ACTR3C: variants seen among roughly 807,000 people sequenced by gnomAD.
The protein encoded by ACTR3C is actin related protein 3C.
Under a neutral mutation model 26.3 loss-of-function variants are expected in ACTR3C, and 18 were observed. The ratio of observed to expected loss-of-function variants is 0.68; its 90% CI spans 0.47 to 1.01. ACTR3C has a LOEUF of 1.01. ACTR3C is among the 50% of genes least tolerant of loss of function. The pLI is 0.00. For synonymous variants in ACTR3C, 55 were observed against 94.5 expected (o/e 0.58, Z 2.42); for missense variants, 184 against 250.7 (o/e 0.73, Z 1.80).
rs551027838 is a variant in ACTR3C at position 150,265,608 on chromosome 7, C to T, written c.565-16554G>A. 1.1e-4 allele frequency among the ~76,000 whole-genome samples: 16 copies of T among 152,218 alleles called. No homozygotes were observed. The South Asian group carries it at 1.7e-3, about 16-fold the overall frequency. On this transcript the variant is annotated intron_variant, in intron 6 of 7. Coordinates refer to ENST00000683684, the MANE Select transcript of ACTR3C (RefSeq NM_001164458.2). The stretch of plus-strand genomic sequence containing the variant: ...ACTCAGGAGGCTGAGGCAGGAGAAT[C>T]GCTTGAACCCGGGAGGCGGAGGTTG...
At chr7:150,088,432 C>A in the ACTR3C span, among the ~76,000 whole-genome samples, 1 of 152,062 alleles carries the variant, frequency 6.6e-6, no homozygotes, top group Non-Finnish European at 1.5e-5. Context: ...AAGGTTTCTG[C>A]TTAAAAATGA....
the ACTR3C span, among the ~76,000 whole-genome samples, chr7:150,067,519 C>T: frequency 7.2e-5 from 11 of 152,084 alleles, no homozygotes; most frequent in African/African-American, 1.7e-4. Flanking sequence ...CCCTGGTGTC[C>T]GAACCTCTGG....
the ACTR3C span, among the ~76,000 whole-genome samples, chr7:150,055,464 A>C: frequency 5.9e-5 from 9 of 151,948 alleles, no homozygotes; most frequent in African/African-American, 2.2e-4. Flanking sequence ...AGAATAAAAA[A>C]AAGAAACCAT....
the ACTR3C span, among the ~76,000 whole-genome samples, chr7:149,949,143 C>T: frequency 2.1e-5 from 3 of 145,896 alleles, no homozygotes; most frequent in Non-Finnish European, 4.4e-5. Context: ...TGGTGAAACC[C>T]TTTCTCTATT....
the ACTR3C span, among the ~76,000 whole-genome samples, chr7:149,904,851 G>A: frequency 6.6e-6 from 1 of 150,448 alleles, no homozygotes; most frequent in African/African-American, 2.5e-5. Context: ...AAAATTAGCT[G>A]GATGTCTCTA....
rs1356573374 is a variant in ACTR3C at position 150,310,170 on chromosome 7, C to T, written c.-52+13299G>A. On this transcript the variant is annotated intron_variant, in intron 1 of 7. Transcript: ENST00000683684. ...GGTTATTCCTGGGCTACAGCCACACCTCACTGCTGTCCTTTTGCCCAATTC... is the reference window on the plus strand; with the variant it reads ...GGTTATTCCTGGGCTACAGCCACACTTCACTGCTGTCCTTTTGCCCAATTC... Among the ~76,000 whole-genome samples, 3 of 152,280 alleles carry T rather than the reference C, an allele frequency of 2.0e-5. No homozygotes were observed. In the East Asian group the frequency reaches 5.8e-4, roughly 29 times the overall value.
the ACTR3C span, among the ~76,000 whole-genome samples, chr7:150,036,319 G>A: frequency 1.4e-5 from 2 of 147,686 alleles, no homozygotes; most frequent in African/African-American, 2.5e-5. Flanking sequence ...CTCAAATAGG[G>A]GGGCCATCCT....
intron 1 of ACTR3C, among the ~76,000 whole-genome samples, chr7:150,300,179 C>T (rs1252284034): frequency 5.3e-5 from 8 of 151,952 alleles, no homozygotes; most frequent in Non-Finnish European, 1.2e-4. Flanking sequence ...AGTGAAACCC[C>T]GTCTCTACTA....
At chr7:150,236,176 A>C in the ACTR3C span, among the ~76,000 whole-genome samples, 1 of 152,240 alleles carries the variant, frequency 6.6e-6, no homozygotes, top group East Asian at 1.9e-4. Context: ...ATCTGGGAGA[A>C]GCACGAATTG....
chr7:150,049,037 G>C, the ACTR3C span, among the ~76,000 whole-genome samples: 2 of 152,156 alleles, frequency 1.3e-5, no homozygotes, highest in South Asian at 4.1e-4. Context: ...TCCAAAGCCT[G>C]CGCCTCACTG....
At chr7:150,306,928 G>A (rs562667102) in intron 1 of ACTR3C, among the ~76,000 whole-genome samples, 1 of 152,286 alleles carries the variant, frequency 6.6e-6, no homozygotes, top group East Asian at 1.9e-4. Flanking sequence ...TGATGAACTG[G>A]AACTACATAT....
chr7:150,146,365 A>G, the ACTR3C span, among the ~76,000 whole-genome samples: 52 of 152,274 alleles, frequency 3.4e-4, no homozygotes, highest in African/African-American at 7.7e-4. Flanking sequence ...AACACAATCC[A>G]TCACCTCTCA....
the ACTR3C span, among the ~76,000 whole-genome samples, chr7:150,129,977 A>G: frequency 6.6e-6 from 1 of 152,236 alleles, no homozygotes; most frequent in African/African-American, 2.4e-5. Context: ...TTGCAAAGGT[A>G]GTCAAATAGA....
chr7:150,241,652 A>C (rs1832180533), downstream of ACTR3C, among the ~76,000 whole-genome samples: 1 of 152,142 alleles, frequency 6.6e-6, no homozygotes, highest in Non-Finnish European at 1.5e-5. Flanking sequence ...ACTTCATCAA[A>C]CTTAAAATAG....
the ACTR3C span, among the ~76,000 whole-genome samples, chr7:150,105,710 A>G: frequency 6.6e-6 from 1 of 152,050 alleles, no homozygotes; most frequent in Non-Finnish European, 1.5e-5. Context: ...AAAATCACAT[A>G]TTGAGAAGAC....
At chr7:149,928,094 T>A in the ACTR3C span, among the ~76,000 whole-genome samples, 1 of 152,176 alleles carries the variant, frequency 6.6e-6, no homozygotes, top group African/African-American at 2.4e-5. Context: ...CTAGCAAAAT[T>A]ACATATGCAT....
At chr7:150,057,823 G>A in the ACTR3C span, among the ~76,000 whole-genome samples, 7 of 152,194 alleles carry the variant, frequency 4.6e-5, no homozygotes, top group Admixed American at 1.3e-4. Context: ...TGATTAAAGT[G>A]GAATGTTGGC....
chr7:149,987,361 T>C, the ACTR3C span, among the ~76,000 whole-genome samples: 1 of 148,394 alleles, frequency 6.7e-6, no homozygotes, highest in African/African-American at 2.5e-5. Flanking sequence ...AGGTCAGGAG[T>C]TCCAGACCAG....
the ACTR3C span, among the ~76,000 whole-genome samples, chr7:150,003,330 G>A: frequency 6.6e-6 from 1 of 152,294 alleles, no homozygotes; most frequent in African/African-American, 2.4e-5. Flanking sequence ...TGGTGTGTAT[G>A]ATGTCGTATG....
Sources: gnomAD v4.1 joint callset for allele counts (sites outside exome capture counted in the v4.1 genomes callset) on GRCh38, gnomAD v4.1.1 for gene constraint, MANE v1.5 for transcripts, NCBI Gene and HGNC (gene_info 2026-07-23, HGNC 2026-07-21) for gene names.